Variants in TG observed in about 807,000 individuals in gnomAD.
TG encodes the protein thyroid hormones.
TG carries 270 observed loss-of-function variants against 324.7 expected under a neutral mutation model. The ratio of observed to expected loss-of-function variants is 0.83; its 90% CI spans 0.75 to 0.92. The LOEUF (loss-of-function observed/expected upper bound fraction) is 0.92, where lower values mean the gene tolerates loss of function less well. TG is among the 40% of genes least tolerant of loss of function. The probability of loss-of-function intolerance (pLI) is 0.00; values close to 1 mark genes in which losing one functional copy is unlikely to be tolerated. For missense variants in TG, 3,591 were observed against 3,456.4 expected, an observed-to-expected ratio of 1.04 and a Z score of -0.98; for synonymous variants, 1,401 against 1,327.0, an observed-to-expected ratio of 1.06 and a Z score of -1.21.
chr8:133,051,513 T>C (rs549877822), intron 41 of TG, among the ~76,000 whole-genome samples: 17 of 152,226 alleles, frequency 1.1e-4, no homozygotes, highest in African/African-American at 3.6e-4. Context: ...TCTTGCAGAA[T>C]ATAAGGCCCC....
intron 2 of TG, 103 bp downstream of exon 2, chr8:132,868,326 G>T: frequency 9.4e-7 from 1 of 1,061,194 alleles, no homozygotes; most frequent in Admixed American, 2.0e-5. Flanking sequence ...ACTCCTTTGT[G>T]CATGTGAGGC....
intron 27 of TG, among the ~76,000 whole-genome samples, chr8:132,954,777 A>G (rs1826606661): frequency 6.6e-6 from 1 of 152,180 alleles, no homozygotes; most frequent in Non-Finnish European, 1.5e-5. Flanking sequence ...GGGGGAGAGT[A>G]AGGCATAGGG....
At chr8:132,882,752 C>T (rs1024729785) in intron 7 of TG, 62 bp from the exon 8 acceptor site, 25 of 1,605,010 alleles carry the variant, frequency 1.6e-5, no homozygotes, top group Non-Finnish European at 2.1e-5. Flanking sequence ...AACAGCAGTG[C>T]ATGCTGTGAA....
chr8:133,044,316 C>G (rs1320203639), intron 41 of TG, among the ~76,000 whole-genome samples: 1 of 152,126 alleles, frequency 6.6e-6, no homozygotes, highest in African/African-American at 2.4e-5. Context: ...GCCACCACAC[C>G]ACATGATGCT....
At chr8:133,087,074 AC>A (rs1395104966) in intron 41 of TG, among the ~76,000 whole-genome samples, 13 of 444 alleles carry the variant, frequency 0.029, no homozygotes, top group African/African-American at 0.11. Flanking sequence ...ATATGTTTAC[AC>A]ACACACACAC....
chr8:133,129,562 C>T (rs540722787), intron 45 of TG, among the ~76,000 whole-genome samples: 25 of 152,218 alleles, frequency 1.6e-4, no homozygotes, highest in East Asian at 5.8e-4. Flanking sequence ...GTGGTACAAT[C>T]GTGGCTCACT....
In TG at chr8:133,113,479, C is replaced by T; in HGVS notation, c.7630C>T (p.Gln2544Ter). Reference protein sequence around the residue: ...SSKTAFYQALQNSLGGEDSDA... With the variant: ...SSKTAFYQAL ...CAAAACAGCCTTTTACCAGGCACTGCAGAATTCTCTGGGTGGCGAGGACTC... is the reference window on the plus strand; with the variant it reads ...CAAAACAGCCTTTTACCAGGCACTGTAGAATTCTCTGGGTGGCGAGGACTC... Residue 2544 changes from glutamine to a stop codon, truncating the protein, a stop_gained, in exon 44 of 48, where the codon CAG becomes TAG. Transcript: ENST00000220616. LOFTEE classifies it high-confidence loss of function. The T allele has an allele frequency of 6.2e-7, 1 of 1,613,940 alleles. No homozygotes were observed. Among genetic ancestry groups the T allele is most frequent in the Non-Finnish European group, 8.5e-7 (1 of 1,180,002 alleles).
intron 23 of TG, among the ~76,000 whole-genome samples, chr8:132,933,171 A>G (rs562299232): frequency 7.6e-6 from 1 of 132,218 alleles, no homozygotes; most frequent in African/African-American, 2.9e-5. Flanking sequence ...TTGTGGGGGT[A>G]TATTTGGGGG....
rs1822314237 is a variant in TG at position 132,929,136 on chromosome 8, T to C, written c.4760T>C (p.Val1587Ala). 1.2e-6 allele frequency: 2 copies of C among 1,614,036 alleles called. No individual in the cohort carries two copies. Among genetic ancestry groups the C allele is most frequent in the African/African-American group, 2.7e-5 (2 of 74,914 alleles). ...GTGATCTTCGACGCCAATGCTCCTG[T>C]GGCTGTCAGATCCAAAGTTCCTGAT... ...SKVIFDANAP[V>A]AVRSKVPDSE... Residue 1587 changes from valine (V) to alanine (A), a missense_variant, in exon 23 of 48, where the codon GTG (valine) becomes GCG (alanine). Coordinates refer to ENST00000220616, the MANE Select transcript of TG (RefSeq NM_003235.5).
chr8:132,893,769 C>CAGTT lies in TG; in HGVS notation c.2842_2845dup (p.Ser949Ter), dbSNP rs745900236. On this transcript the variant is annotated frameshift_variant, in exon 11 of 48. Coordinates refer to ENST00000220616, the MANE Select transcript of TG (RefSeq NM_003235.5). LOFTEE classifies it high-confidence loss of function. ...CGGAAGAGATTGTTTCAGCTTCCAA[C>CAGTT]AGTTCTCGGTTCCCTCTGGGGGAGA... 1 of 1,613,966 alleles carries CAGTT rather than the reference C, an allele frequency of 6.2e-7. No homozygotes were observed.
In TG at chr8:132,966,706, C is replaced by A. The variant is rs1218236388; in HGVS notation, c.5686+9C>A. 1 of 1,613,908 alleles carries A rather than the reference C, an allele frequency of 6.2e-7. No homozygotes were observed. Among genetic ancestry groups the A allele is most frequent in the South Asian group, 1.1e-5 (1 of 91,076 alleles). On this transcript the variant is annotated intron_variant, in intron 30 of 47. Coordinates refer to ENST00000220616, the MANE Select transcript of TG (RefSeq NM_003235.5). ...CCTATGGTGCCTTTCTCGTAAGTAT[C>A]CTTAGAACTCATTCTTCTTCTTCCA...
chr8:133,067,072 T>C (rs2739141), intron 41 of TG, among the ~76,000 whole-genome samples: 123,548 of 152,156 alleles, frequency 0.81, 50,374 homozygotes, highest in African/African-American at 0.86. Flanking sequence ...GCCTGTGGTC[T>C]GACCCTTCCT....
At chr8:132,917,039 C>CCTTCCTTCCT (rs1563951836) in intron 20 of TG, among the ~76,000 whole-genome samples, 8 of 58,108 alleles carry the variant, frequency 1.4e-4, no homozygotes, top group African/African-American at 3.5e-4. Flanking sequence ...CCCTCCCTCC[C>CCTTCCTTCCT]TCCCTCCTTC....
Position 132,900,272 on chromosome 8 carries a change from T to C in TG, c.3366T>C (p.Ala1122=). 1 of 1,614,068 alleles carries C rather than the reference T, an allele frequency of 6.2e-7. No individual in the cohort carries two copies. Residue 1122 remains alanine (A), a synonymous_variant, in exon 15 of 48, where the codon GCT becomes GCC. Transcript: ENST00000220616. ...ATGCCAGGCTGCAGGCATCGGGGGC[T>C]GGCACCTGGTGTGTGGACCCTGCAT... ...GEYARLQASG[A]GTWCVDPASG...
At chr8:133,026,815 G>A (rs1836129745) in intron 40 of TG, among the ~76,000 whole-genome samples, 1 of 152,200 alleles carries the variant, frequency 6.6e-6, no homozygotes, top group Non-Finnish European at 1.5e-5. Flanking sequence ...CAGGCAGGCT[G>A]GAGACAAGGA....
At chr8:132,992,197 A>G (rs1832429914) in intron 35 of TG, among the ~76,000 whole-genome samples, 2 of 152,084 alleles carry the variant, frequency 1.3e-5, no homozygotes, top group Middle Eastern at 3.2e-3. Flanking sequence ...GAGCAACATG[A>G]GTGTGTCAGA....
At chr8:132,961,767 G>GA (rs11404754) in intron 28 of TG, among the ~76,000 whole-genome samples, 112,205 of 151,408 alleles carry the variant, frequency 0.74, 41,828 homozygotes, top group East Asian at 0.83. Flanking sequence ...AGAGGCATGA[G>GA]AAAAAGCCTC....
chr8:133,104,946 C>A (rs1849669772), intron 43 of TG, among the ~76,000 whole-genome samples: 1 of 152,208 alleles, frequency 6.6e-6, no homozygotes, highest in South Asian at 2.1e-4. Flanking sequence ...GTGTCATGTC[C>A]ATTTGGAATC....
At chr8:132,965,902 G>T (rs1475448250) in intron 29 of TG, among the ~76,000 whole-genome samples, 1 of 152,224 alleles carries the variant, frequency 6.6e-6, no homozygotes, top group Non-Finnish European at 1.5e-5. Context: ...ATTAAGAAAA[G>T]AATCTGGACT....
Sources: gnomAD v4.1 joint callset for allele counts (sites outside exome capture counted in the v4.1 genomes callset) on GRCh38, gnomAD v4.1.1 for gene constraint, MANE v1.5 for transcripts, NCBI Gene and HGNC (gene_info 2026-07-23, HGNC 2026-07-21) for gene names.